Variants in SLC7A5 observed in about 807,000 individuals in gnomAD.
The protein encoded by SLC7A5 is solute carrier family 7 member 5.
A neutral mutation model predicts 50.2 loss-of-function variants in SLC7A5; 23 were observed. That is an observed-to-expected ratio of 0.46 (90% CI 0.33 to 0.65). The LOEUF is 0.65. SLC7A5 is among the 30% of genes least tolerant of loss of function. The pLI is 0.02. For synonymous variants in SLC7A5, 393 were observed against 330.6 expected (o/e 1.19, Z -2.05); for missense variants, 578 against 684.4 (o/e 0.84, Z 1.73).
intron 3 of SLC7A5, 108 bp from the exon 4 acceptor site, chr16:87,840,581 T>G: frequency 1.1e-6 from 1 of 938,326 alleles, no homozygotes; most frequent in Non-Finnish European, 1.7e-6. Flanking sequence ...CCCGGTGGTC[T>G]GCTCGCTGGG....
In SLC7A5 at chr16:87,869,000, C is replaced by G. The variant is rs765259451; in HGVS notation, c.423G>C (p.Arg141=). ...GGGCCACGATGTACTGCGATGAAGG[C>G]CGGATGATGAGCAGCTCGATCCAGA... The part of the protein sequence containing the change: ...LKLWIELLII[R]PSSQYIVALV... Residue 141 remains arginine, a synonymous_variant, in exon 1 of 10, where the codon CGG becomes CGC. Transcript: ENST00000261622. 1 of 1,611,714 alleles carries G rather than the reference C, an allele frequency of 6.2e-7. No individual in the cohort carries two copies. The highest frequency in any genetic ancestry group is 8.5e-7 in the Non-Finnish European group (1 of 1,179,780).
chr16:87,842,662 A>G (rs1311756709), intron 2 of SLC7A5, among the ~76,000 whole-genome samples: 1 of 152,008 alleles, frequency 6.6e-6, no homozygotes, highest in Non-Finnish European at 1.5e-5. Context: ...TTCAGCCTAC[A>G]CTGGGGGTGC....
rs1048125739 is a variant in SLC7A5 at position 87,833,463 on chromosome 16, C to T, written c.1469-438G>A. ...GCTAACGGGTCCTCGGAAGACCTGT[C>T]GCGCCTGGGACTGTCTACAGAGACA... On this transcript the variant is annotated intron_variant, in intron 9 of 9. Transcript: ENST00000261622. The surrounding 1 kb of genome is among the most constrained non-coding windows in gnomAD (Gnocchi z 6.0). Among the ~76,000 whole-genome samples, 6 of 152,254 alleles carry T rather than the reference C, an allele frequency of 3.9e-5. No homozygotes were observed. Among genetic ancestry groups the T allele is most frequent in the East Asian group, 1.9e-4 (1 of 5,168 alleles).
intron 1 of SLC7A5, among the ~76,000 whole-genome samples, chr16:87,863,125 C>A (rs2055419545): frequency 6.6e-6 from 1 of 152,250 alleles, no homozygotes; most frequent in African/African-American, 2.4e-5. Flanking sequence ...CTGCAGGCCA[C>A]TTCCCGAACA....
In SLC7A5 at chr16:87,833,181, C is replaced by T. The variant is rs766963466; in HGVS notation, c.1469-156G>A. On this transcript the variant is annotated intron_variant, in intron 9 of 9. Transcript: ENST00000261622. This position sits in a 1 kb window ranked among gnomAD's most constrained non-coding sequence, Gnocchi z 6.0. ...TAAGGAACCTTCCCTTGTGTACTTG[C>T]GCATGTGGGTGCCGGGTGCCCGAGG... Among the ~76,000 whole-genome samples the T allele has an allele frequency of 2.0e-5, 3 of 152,214 alleles. No individual in the cohort carries two copies. The highest frequency in any genetic ancestry group is 2.4e-5 in the African/African-American group (1 of 41,458).
chr16:87,868,198 C>G (rs1345278136), intron 1 of SLC7A5, among the ~76,000 whole-genome samples: 1 of 152,016 alleles, frequency 6.6e-6, no homozygotes, highest in Non-Finnish European at 1.5e-5. Context: ...AAGAACACAC[C>G]AGCACCATGC....
At chr16:87,849,444 A>G (rs564597942) in intron 2 of SLC7A5, among the ~76,000 whole-genome samples, 14 of 152,234 alleles carry the variant, frequency 9.2e-5, no homozygotes, top group Admixed American at 7.8e-4. Context: ...CGGAATTATA[A>G]ACCTATTATG....
chr16:87,840,870 G>A (rs985824941), intron 3 of SLC7A5, among the ~76,000 whole-genome samples, 180 bp downstream of exon 3: 7 of 151,494 alleles, frequency 4.6e-5, no homozygotes, highest in Non-Finnish European at 8.8e-5. Context: ...CCCACGCTTC[G>A]TCGGGATGTG....
chr16:87,835,906 C>G (rs1440633259), intron 8 of SLC7A5, among the ~76,000 whole-genome samples: 1 of 152,260 alleles, frequency 6.6e-6, no homozygotes, highest in Non-Finnish European at 1.5e-5. Context: ...ACAAAAGCTG[C>G]TGGCTAGCAG....
chr16:87,857,397 G>C (rs2055335103), intron 1 of SLC7A5, among the ~76,000 whole-genome samples: 1 of 152,124 alleles, frequency 6.6e-6, no homozygotes, highest in African/African-American at 2.4e-5. Flanking sequence ...TCCTGCCTCA[G>C]CCTCCTGCCT....
chr16:87,848,090 G>C (rs956108887), intron 2 of SLC7A5, among the ~76,000 whole-genome samples: 1 of 151,990 alleles, frequency 6.6e-6, no homozygotes, highest in African/African-American at 2.4e-5. Flanking sequence ...ACGCCGCCCT[G>C]GCAGGCTGCG....
intron 1 of SLC7A5, among the ~76,000 whole-genome samples, chr16:87,855,542 G>T (rs1336995213): frequency 2.6e-5 from 4 of 152,010 alleles, no homozygotes; most frequent in Non-Finnish European, 5.9e-5. Context: ...TCCCCTCGGG[G>T]GGATGACTCT....
chr16:87,848,959 T>A (rs956986237), intron 2 of SLC7A5, among the ~76,000 whole-genome samples: 2 of 152,120 alleles, frequency 1.3e-5, no homozygotes, highest in Non-Finnish European at 2.9e-5. Flanking sequence ...TGCCTTTCCA[T>A]AGCACAGGGC....
rs2055080256 is a variant in SLC7A5, at chr16:87,841,275, T to C, written c.665-120A>G. The C allele has an allele frequency of 2.8e-6, 2 of 716,134 alleles. No individual in the cohort carries two copies. The highest frequency in any genetic ancestry group is 2.0e-5 in the Admixed American group (1 of 49,646). 44.4% of individuals were successfully genotyped at this position (716,134 alleles called of 1,614,324 possible). A position where few individuals can be genotyped will look rare whatever the true frequency, so the allele number is the denominator to read the frequency against. ...AAACAAAAATGCTGGAGTGAAGGCT[T>C]TTCACTGTGACAAATGGTATGTACC... On this transcript the variant is annotated intron_variant, in intron 2 of 9. Transcript: ENST00000261622. The surrounding 1 kb of genome is among the most constrained non-coding windows in gnomAD (Gnocchi z 4.8).
intron 1 of SLC7A5, among the ~76,000 whole-genome samples, chr16:87,856,949 C>T (rs1341137532): frequency 5.9e-5 from 9 of 152,336 alleles, no homozygotes; most frequent in South Asian, 4.1e-4. Flanking sequence ...CTGGTGCTGC[C>T]GGCCTGGGGA....
In SLC7A5 at chr16:87,869,280, C is replaced by G. The variant is rs1322075119; in HGVS notation, c.143G>C (p.Arg48Pro). ...AGEGEGVTLQ[R>P]NITLLNGVAI... ...CACGCCGTTGAGCAGCGTGATGTTCCGCTGCAGGGTCACGCCCTCGCCCTC... is the reference window on the plus strand; with the variant it reads ...CACGCCGTTGAGCAGCGTGATGTTCGGCTGCAGGGTCACGCCCTCGCCCTC... Residue 48 changes from arginine (R) to proline (P), a missense_variant, in exon 1 of 10, where the codon CGG becomes CCG. Physicochemically the swap from Arg to Pro is moderately radical, Grantham distance 103. Transcript: ENST00000261622. 6.2e-7 allele frequency: 1 copy of G among 1,612,084 alleles called. No individual in the cohort carries two copies. Among genetic ancestry groups the G allele is most frequent in the Non-Finnish European group, 8.5e-7 (1 of 1,179,838 alleles).
rs181997466 is a variant in SLC7A5 at position 87,862,943 on chromosome 16, T to A, written c.538+5942A>T. ...CCAGGGACCCTGGCACCGTCTCCCA[T>A]GAGGCCAGGTGTCCTCAGCCACCCG... On this transcript the variant is annotated intron_variant, in intron 1 of 9. Transcript: ENST00000261622. The surrounding 1 kb of genome is among the most constrained non-coding windows in gnomAD (Gnocchi z 5.3). 1.3e-5 allele frequency among the ~76,000 whole-genome samples: 2 copies of A among 152,296 alleles called. No individual in the cohort carries two copies. Among genetic ancestry groups the A allele is most frequent in the African/African-American group, 4.8e-5 (2 of 41,568 alleles).
rs144289262 is a variant in SLC7A5, at chr16:87,848,833, T to C, written c.664+2891A>G. On this transcript the variant is annotated intron_variant, in intron 2 of 9. Coordinates refer to ENST00000261622, the MANE Select transcript of SLC7A5 (RefSeq NM_003486.7). ...TGTTCTCATTGGGACCCGGCATAGA[T>C]GCGGCACACGGGACAGAAGATGGTT... Among the ~76,000 whole-genome samples the C allele has an allele frequency of 2.5e-3, 374 of 152,294 alleles. 1 individual carries two copies. The highest frequency in any genetic ancestry group is 3.9e-3 in the Non-Finnish European group (264 of 68,010).
rs1403128666 is a variant in SLC7A5, at chr16:87,852,678, G to A, written c.539-829C>T. ...TGTGTGTGTGTGTGTGTGTGTGTGT[G>A]TGTGTGTGTTGGGGGTTCTGTTGCA... On this transcript the variant is annotated intron_variant, in intron 1 of 9. Transcript: ENST00000261622. This position sits in a 1 kb window ranked among gnomAD's most constrained non-coding sequence, Gnocchi z 4.5. Among the ~76,000 whole-genome samples, 1 of 147,918 alleles carries A rather than the reference G, an allele frequency of 6.8e-6. No homozygotes were observed. The highest frequency in any genetic ancestry group is 2.6e-5 in the African/African-American group (1 of 38,382).
Sources: gnomAD v4.1 joint callset for allele counts (sites outside exome capture counted in the v4.1 genomes callset) on GRCh38, gnomAD v4.1.1 for gene constraint, Gnocchi (gnomAD v3.1) non-coding constraint, MANE v1.5 for transcripts, NCBI Gene and HGNC (gene_info 2026-07-23, HGNC 2026-07-21) for gene names.